Variants in SART3 observed in about 807,000 individuals in gnomAD.
SART3 encodes spliceosome associated factor 3, U4/U6 recycling protein.
SART3 carries 44 observed loss-of-function variants against 122.3 expected under a neutral mutation model. That is an observed-to-expected ratio of 0.36 (90% confidence interval 0.28 to 0.46). The LOEUF is 0.46. SART3 is among the 20% of genes least tolerant of loss of function. SART3 has a pLI of 1.00. For synonymous variants in SART3, 442 were observed against 454.0 expected, an observed-to-expected ratio of 0.97 and a Z score of 0.34; for missense variants, 1,101 against 1,229.0, an observed-to-expected ratio of 0.90 and a Z score of 1.56.
intron 16 of SART3, 106 bp from the exon 17 acceptor site, chr12:108,525,715 G>T: frequency 8.5e-7 from 1 of 1,180,064 alleles, no homozygotes; most frequent in Non-Finnish European, 1.3e-6. Context: ...CAGCCAGGCA[G>T]ACTAGAGCCA....
At chr12:108,551,009 G>A (rs765759101) in intron 1 of SART3, among the ~76,000 whole-genome samples, 50 of 152,154 alleles carry the variant, frequency 3.3e-4, no homozygotes, top group Non-Finnish European at 5.3e-4. Context: ...CCTTAAATGC[G>A]AATGGTGCAT....
At position 108,536,717 on chromosome 12, in the gene SART3, C is replaced by T; in HGVS notation, c.1378G>A (p.Val460Met). ...GCTGGGGCATACTTACGCTCTTCCA[C>T]CTCCTGCTTCAGATACTCCAAGGCA... ...TRALEYLKQE[V>M]EERFNESGDP... The change falls in exon 10 of 19, where the codon GTG (valine) becomes ATG (methionine). Residue 460 changes from valine (V) to methionine (M), a missense_variant. Coordinates refer to ENST00000546815, the MANE Select transcript of SART3 (RefSeq NM_014706.4). The T allele has an allele frequency of 2.5e-6, 4 of 1,614,030 alleles. No individual in the cohort carries two copies. Among genetic ancestry groups the T allele is most frequent in the Middle Eastern group, 1.7e-4 (1 of 6,056 alleles).
At chr12:108,538,842 G>C (rs768912689) in intron 7 of SART3, 92 bp downstream of exon 7, 4 of 1,469,940 alleles carry the variant, frequency 2.7e-6, no homozygotes, top group Non-Finnish European at 3.8e-6. Flanking sequence ...AGCAAGAGTA[G>C]GGCCGTATGC....
rs1463244508 is a variant in SART3 at position 108,523,119 on chromosome 12, G to A, written c.*338C>T. ...AGAAGTGTCATACAAAAAGGGGCCGGAGCTGGCCAGAAACATTTGGACAAC... is the reference window on the plus strand; with the variant it reads ...AGAAGTGTCATACAAAAAGGGGCCGAAGCTGGCCAGAAACATTTGGACAAC... On this transcript the variant is annotated 3_prime_UTR_variant, in exon 19 of 19. Transcript: ENST00000546815. 3.2e-5 allele frequency: 13 copies of A among 400,530 alleles called. No homozygotes were observed. Among genetic ancestry groups the A allele is most frequent in the Non-Finnish European group, 5.6e-5 (12 of 215,442 alleles). 24.8% of individuals were successfully genotyped at this position (400,530 alleles called of 1,614,324 possible).
intron 12 of SART3, 105 bp from the exon 13 acceptor site, chr12:108,532,439 TAGCTTC>T (rs1481356764): frequency 4.6e-6 from 4 of 863,060 alleles, no homozygotes; most frequent in Non-Finnish European, 7.5e-6. Flanking sequence ...TCAGTAACTC[TAGCTTC>T]TGAGAAGACC....
At chr12:108,528,806 C>T (rs1872518867) in intron 15 of SART3, among the ~76,000 whole-genome samples, 1 of 152,050 alleles carries the variant, frequency 6.6e-6, no homozygotes, top group African/African-American at 2.4e-5. Flanking sequence ...ATAGAGGGAG[C>T]CAAGTTTCTC....
chr12:108,523,487 G>A lies in SART3; in HGVS notation c.2862C>T (p.Ala954=), dbSNP rs755498017. ...AATEAPKMSN[A]DFAKLFLRK is the part of the protein sequence containing the mutation. Reference sequence around the variant, plus strand: ...TTCTCAGAAACAGCTTGGCAAAATCGGCATTGGACATCTTGGGTGCCTCGG... The same window carrying A: ...TTCTCAGAAACAGCTTGGCAAAATCAGCATTGGACATCTTGGGTGCCTCGG... Residue 954 remains alanine, a synonymous_variant, in exon 19 of 19, where the codon GCC becomes GCT. Coordinates refer to ENST00000546815, the MANE Select transcript of SART3 (RefSeq NM_014706.4). 32 of 1,612,694 alleles carry A rather than the reference G, an allele frequency of 2.0e-5. No individual in the cohort carries two copies. Among genetic ancestry groups the A allele is most frequent in the Middle Eastern group, 2.0e-4 (1 of 5,066 alleles).
chr12:108,526,656 C>T, intron 15 of SART3, 103 bp from the exon 16 acceptor site: 3 of 1,224,754 alleles, frequency 2.4e-6, no homozygotes, highest in Non-Finnish European at 3.6e-6. Flanking sequence ...CTGCATGTGA[C>T]ACTTACTCCC....
intron 9 of SART3, chr12:108,537,245 G>A: frequency 4.0e-6 from 2 of 504,716 alleles, no homozygotes; most frequent in South Asian, 4.2e-5. Flanking sequence ...CCTGAAAGGA[G>A]AAATGAGAGC....
chr12:108,526,518 T>C lies in SART3; in HGVS notation c.1951A>G (p.Ile651Val), dbSNP rs1384449519. 2.5e-6 allele frequency: 4 copies of C among 1,614,150 alleles called. No homozygotes were observed. Among genetic ancestry groups the C allele is most frequent in the Non-Finnish European group, 3.4e-6 (4 of 1,180,044 alleles). The part of the protein sequence containing the change: ...PSKRRRVENS[I>V]PAAGETQNVE... ...TTTTGTGTTTCTCCAGCTGCAGGGA[T>C]GCTGTTCTCGACCCTTCTGCGTTTG... is the stretch of plus-strand genomic sequence containing the variant. Residue 651 changes from isoleucine (I) to valine (V), a missense_variant, in exon 16 of 19, where the codon ATC becomes GTC. Ile to Val is a conservative substitution (Grantham distance 29). Transcript: ENST00000546815.
In SART3 at chr12:108,542,367, A is replaced by G. The variant is rs919707218; in HGVS notation, c.906+661T>C. Among the ~76,000 whole-genome samples the G allele has an allele frequency of 3.3e-5, 5 of 152,334 alleles. No homozygotes were observed. In the East Asian group the frequency reaches 9.6e-4, roughly 29 times the overall value. ...CTGATAACCTGGAAAACACTTTAAC[A>G]TCACCCTATGATCCAGCAAAGTCAT... On this transcript the variant is annotated intron_variant, in intron 6 of 18. Transcript: ENST00000546815.
chr12:108,532,300 G>C lies in SART3; in HGVS notation c.1591C>G (p.Leu531Val). ...HGDTQHCRKALHRAVQCTSDY... is the reference protein window; with the variant it reads ...HGDTQHCRKAVHRAVQCTSDY... ...CTGGTGCACTGGACGGCCCGGTGCA[G>C]AGCCTTCCGGCAGTGCTGGGTGTCA... Residue 531 changes from leucine to valine, a missense_variant, in exon 13 of 19, where the codon CTG becomes GTG. Physicochemically the swap from Leu to Val is conservative, Grantham distance 32. Transcript: ENST00000546815. The C allele has an allele frequency of 6.2e-7, 1 of 1,614,086 alleles. No homozygotes were observed. Among genetic ancestry groups the C allele is most frequent in the Non-Finnish European group, 8.5e-7 (1 of 1,180,000 alleles).
At chr12:108,536,607 C>A in intron 10 of SART3, 35 bp from the exon 11 acceptor site, 2 of 1,612,830 alleles carry the variant, frequency 1.2e-6, no homozygotes, top group Non-Finnish European at 1.7e-6. Flanking sequence ...TAGAAAGGAA[C>A]TTGGAGACAG....
chr12:108,560,744 C>G, intron 1 of SART3, 99 bp downstream of exon 1: 3 of 1,116,742 alleles, frequency 2.7e-6, no homozygotes, highest in South Asian at 1.7e-5. Context: ...GCAGCCTTGG[C>G]GGCTTTATCG....
intron 1 of SART3, among the ~76,000 whole-genome samples, chr12:108,557,901 C>A (rs778459423): frequency 6.6e-6 from 1 of 152,170 alleles, no homozygotes; most frequent in Non-Finnish European, 1.5e-5. Context: ...CAGTAGCTTG[C>A]GCCTGTGATC....
chr12:108,538,840 T>C (rs1021783481), intron 7 of SART3, 94 bp downstream of exon 7: 137 of 1,460,782 alleles, frequency 9.4e-5, no homozygotes, highest in Admixed American at 6.1e-4. Context: ...AAAGCAAGAG[T>C]AGGGCCGTAT....
chr12:108,525,641 T>C (rs771277309), intron 16 of SART3, 32 bp from the exon 17 acceptor site: 4 of 1,611,968 alleles, frequency 2.5e-6, no homozygotes, highest in Non-Finnish European at 2.5e-6. Context: ...AGAAAAACCA[T>C]GATTCGAGGC....
At chr12:108,549,879 T>C (rs1304369259) in intron 1 of SART3, among the ~76,000 whole-genome samples, 1 of 151,714 alleles carries the variant, frequency 6.6e-6, no homozygotes. Flanking sequence ...TAGCCAGACA[T>C]GGTGGCATGC....
intron 18 of SART3, 127 bp downstream of exon 18, chr12:108,524,189 G>T: frequency 2.3e-6 from 2 of 863,282 alleles, no homozygotes; most frequent in Non-Finnish European, 3.9e-6. Flanking sequence ...ATTACCACAA[G>T]GAACAGCACA....
Sources: allele counts gnomAD v4.1 joint callset (sites outside exome capture counted in the v4.1 genomes callset), GRCh38; gene constraint gnomAD v4.1.1; transcripts MANE v1.5; gene names NCBI Gene and HGNC (gene_info 2026-07-23, HGNC 2026-07-21).